PRKG1: variants seen among roughly 807,000 people sequenced by gnomAD.
The protein encoded by PRKG1 is cGMP-dependent protein kinase 1.
PRKG1 carries 35 observed loss-of-function variants against 88.1 expected under a neutral mutation model. The observed-to-expected ratio is 0.40, with a 90% CI of 0.30 to 0.53. The LOEUF (loss-of-function observed/expected upper bound fraction) is 0.53. Among genes scored for constraint, PRKG1 ranks in the 20% least tolerant of loss-of-function variants. The probability of loss-of-function intolerance (pLI) is 0.59; values close to 1 mark genes in which losing one functional copy is unlikely to be tolerated. For synonymous variants in PRKG1, 303 were observed against 292.5 expected (o/e 1.04, Z -0.37); for missense variants, 540 against 839.8 (o/e 0.64, Z 4.41).
intron 7 of PRKG1, among the ~76,000 whole-genome samples, chr10:52,089,358 C>T (rs1846993896): frequency 6.6e-6 from 1 of 152,190 alleles, no homozygotes; most frequent in Non-Finnish European, 1.5e-5. Flanking sequence ...TCTTGAATTA[C>T]ATTTGGTTGG....
intron 3 of PRKG1, among the ~76,000 whole-genome samples, chr10:51,735,435 T>C (rs879768071): frequency 6.6e-6 from 1 of 152,158 alleles, no homozygotes; most frequent in Non-Finnish European, 1.5e-5. Context: ...ATTTTCCTCA[T>C]CTTAATGTGT....
At chr10:51,600,126 A>G (rs1180620382) in intron 3 of PRKG1, among the ~76,000 whole-genome samples, 2 of 152,182 alleles carry the variant, frequency 1.3e-5, no homozygotes, top group Non-Finnish European at 2.9e-5. Flanking sequence ...TAACTGTTTA[A>G]TGACAGCTCC....
At chr10:51,612,227 G>T (rs1384177725) in intron 3 of PRKG1, among the ~76,000 whole-genome samples, 1 of 151,942 alleles carries the variant, frequency 6.6e-6, no homozygotes, top group African/African-American at 2.4e-5. Context: ...GATTGCTTTG[G>T]GCAGTATAGT....
intron 2 of PRKG1, among the ~76,000 whole-genome samples, chr10:51,268,714 T>A (rs1283684167): frequency 1.3e-5 from 2 of 152,166 alleles, no homozygotes; most frequent in Non-Finnish European, 2.9e-5. Context: ...CACAGGGTCC[T>A]GAGGCGACAT....
intron 7 of PRKG1, among the ~76,000 whole-genome samples, chr10:52,085,018 A>G (rs989109740): frequency 1.3e-5 from 2 of 152,064 alleles, no homozygotes; most frequent in African/African-American, 4.8e-5. Context: ...GAGGTTATGT[A>G]TTCTTTGCCA....
At chr10:52,175,133 C>T (rs1838828730) in intron 9 of PRKG1, among the ~76,000 whole-genome samples, 1 of 152,026 alleles carries the variant, frequency 6.6e-6, no homozygotes, top group African/African-American at 2.4e-5. Context: ...CCTTGTCCGC[C>T]ATTTTCTCCT....
intron 2 of PRKG1, among the ~76,000 whole-genome samples, chr10:51,392,901 T>TG (rs1332594776): frequency 2.4e-5 from 1 of 41,018 alleles, no homozygotes; most frequent in African/African-American, 8.0e-5. Flanking sequence ...GCTGGCCGGG[T>TG]GGGGGGCTGA....
intron 3 of PRKG1, among the ~76,000 whole-genome samples, chr10:51,720,411 T>A (rs1031139434): frequency 6.6e-6 from 1 of 152,208 alleles, no homozygotes; most frequent in Non-Finnish European, 1.5e-5. Flanking sequence ...TGCTAGTTAA[T>A]AACAATAATA....
chr10:51,864,667 G>A (rs1384512844), intron 4 of PRKG1, among the ~76,000 whole-genome samples: 1 of 152,132 alleles, frequency 6.6e-6, no homozygotes, highest in East Asian at 1.9e-4. Flanking sequence ...AGTAGGTTGG[G>A]TATTATGACA....
chr10:51,557,048 C>T (rs1357866509), intron 3 of PRKG1, among the ~76,000 whole-genome samples: 1 of 151,860 alleles, frequency 6.6e-6, no homozygotes, highest in Non-Finnish European at 1.5e-5. Flanking sequence ...CAGATGATAC[C>T]ACCCGCTTCT....
chr10:51,812,524 T>A (rs1016069021), intron 4 of PRKG1, among the ~76,000 whole-genome samples: 1 of 152,172 alleles, frequency 6.6e-6, no homozygotes, highest in Non-Finnish European at 1.5e-5. Context: ...ACAGTGGTTA[T>A]GCCAGGATTC....
At chr10:52,088,251 CTTT>C (rs1041086823) in intron 7 of PRKG1, among the ~76,000 whole-genome samples, 13 of 151,260 alleles carry the variant, frequency 8.6e-5, no homozygotes, top group Non-Finnish European at 1.6e-4. Flanking sequence ...ATGCCTTGTT[CTTT>C]TTAATGACTA....
At chr10:51,641,795 T>G (rs1331800438) in intron 3 of PRKG1, among the ~76,000 whole-genome samples, 1 of 152,046 alleles carries the variant, frequency 6.6e-6, no homozygotes, top group African/African-American at 2.4e-5. Flanking sequence ...TCCCCTCAAC[T>G]TTTTTTCTCC....
upstream of PRKG1, among the ~76,000 whole-genome samples, chr10:51,071,921 G>A (rs1192906594): frequency 3.3e-5 from 5 of 152,146 alleles, no homozygotes; most frequent in Non-Finnish European, 7.3e-5. Context: ...CGAGATGGCT[G>A]GGCACAGTGG....
intron 4 of PRKG1, among the ~76,000 whole-genome samples, chr10:51,839,505 T>C (rs1355704741): frequency 6.6e-6 from 1 of 152,138 alleles, no homozygotes; most frequent in Non-Finnish European, 1.5e-5. Flanking sequence ...CAATAGAAAA[T>C]TATGACTCAC....
At chr10:51,711,319 T>C (rs2132433151) in intron 3 of PRKG1, among the ~76,000 whole-genome samples, 1 of 152,150 alleles carries the variant, frequency 6.6e-6, no homozygotes, top group South Asian at 2.1e-4. Context: ...TTAGCCAGGA[T>C]GGTCTCGATC....
At chr10:51,749,644 C>CTATGTAAGA (rs1837669742) in intron 3 of PRKG1, among the ~76,000 whole-genome samples, 1 of 152,148 alleles carries the variant, frequency 6.6e-6, no homozygotes, top group African/African-American at 2.4e-5. Context: ...AAGTTCTTTG[C>CTATGTAAGA]TATGTAAGAT....
chr10:52,134,356 C>T (rs1383759100), intron 8 of PRKG1, among the ~76,000 whole-genome samples: 1 of 152,076 alleles, frequency 6.6e-6, no homozygotes. Context: ...CTCCAGACTT[C>T]CATAATAGAA....
upstream of PRKG1, among the ~76,000 whole-genome samples, chr10:51,070,463 T>C (rs183854861): frequency 2.5e-4 from 38 of 152,294 alleles, 1 homozygote; most frequent in East Asian, 7.3e-3. Flanking sequence ...AAGGCTCAGC[T>C]ATATATTTGT....
Sources: gnomAD v4.1 joint callset for allele counts (sites outside exome capture counted in the v4.1 genomes callset) on GRCh38, gnomAD v4.1.1 for gene constraint, MANE v1.5 for transcripts, NCBI Gene and HGNC (gene_info 2026-07-23, HGNC 2026-07-21) for gene names.